Variants in DEAF1 observed in about 807,000 individuals in gnomAD.
DEAF1 encodes DEAF1 transcription factor.
Under a neutral mutation model 58.9 loss-of-function variants are expected in DEAF1, and 53 were observed. That is an observed-to-expected ratio of 0.90 (90% confidence interval 0.72 to 1.13). The LOEUF (loss-of-function observed/expected upper bound fraction) is 1.13, where lower values mean the gene tolerates loss of function less well. Among genes scored for constraint, DEAF1 ranks in the 50% most tolerant of loss-of-function variants. The pLI, the probability that DEAF1 is intolerant of heterozygous loss-of-function variation, is 0.00. For synonymous variants in DEAF1, 385 were observed against 340.4 expected, an observed-to-expected ratio of 1.13 and a Z score of -1.44; for missense variants, 685 against 791.4, an observed-to-expected ratio of 0.87 and a Z score of 1.61.
At chr11:654,771 A>G in intron 10 of DEAF1, 1 of 393,594 alleles carries the variant, frequency 2.5e-6, no homozygotes, top group Non-Finnish European at 5.1e-6. Flanking sequence ...TGGGAGGCTG[A>G]GGTGGGAGAA....
intron 1 of DEAF1, among the ~76,000 whole-genome samples, 168 bp from the exon 2 acceptor site, chr11:691,766 A>G (rs1860845576): frequency 6.6e-6 from 1 of 151,992 alleles, no homozygotes; most frequent in African/African-American, 2.4e-5. Context: ...TTTCTATTCC[A>G]TTGTCTAAGT....
rs748436644 is a variant in DEAF1 at position 679,669 on chromosome 11, A to G, written c.1126+19T>C. 1 of 1,610,014 alleles carries G rather than the reference A, an allele frequency of 6.2e-7. No homozygotes were observed. The highest frequency in any genetic ancestry group is 8.5e-7 in the Non-Finnish European group (1 of 1,180,014). ...GGGATATGCTGAGGACGCGTCAGGC[A>G]GGCACTGGAGCAGCTCACCTGTGGC... On this transcript the variant is annotated intron_variant, in intron 8 of 11. Coordinates refer to ENST00000382409, the MANE Select transcript of DEAF1 (RefSeq NM_021008.4).
intron 1 of DEAF1, chr11:702,927 C>CG: frequency 6.3e-7 from 1 of 1,596,518 alleles, no homozygotes; most frequent in African/African-American, 1.3e-5. Flanking sequence ...CTTCCCTCCC[C>CG]TTTGCTCTGT....
chr11:680,909 G>A, intron 7 of DEAF1, 54 bp downstream of exon 7: 1 of 1,612,872 alleles, frequency 6.2e-7, no homozygotes, highest in Non-Finnish European at 8.5e-7. Flanking sequence ...GACGAGAGAA[G>A]GCAATGCACT....
intron 10 of DEAF1, among the ~76,000 whole-genome samples, chr11:662,904 A>ATC (rs895847944): frequency 4.3e-4 from 66 of 152,258 alleles, no homozygotes; most frequent in African/African-American, 1.5e-3. Flanking sequence ...CACCATGAAT[A>ATC]TCCTCCAGCC....
At chr11:659,619 C>T (rs7119160) in intron 10 of DEAF1, among the ~76,000 whole-genome samples, 5 of 152,250 alleles carry the variant, frequency 3.3e-5, no homozygotes, top group South Asian at 4.1e-4. Flanking sequence ...CAGGGGCCTC[C>T]GCCTGCTTCA....
chr11:674,440 T>G, intron 10 of DEAF1, 96 bp downstream of exon 10: 6 of 1,563,264 alleles, frequency 3.8e-6, no homozygotes, highest in Non-Finnish European at 3.5e-6. Context: ...AGGGGCCTTG[T>G]GAGCCAAGGT....
chr11:699,743 C>G (rs1270907477), upstream of DEAF1: 1 of 180,176 alleles, frequency 5.6e-6, no homozygotes, highest in Non-Finnish European at 1.2e-5. Flanking sequence ...CAGAGCAAGA[C>G]TCTATCTCAA....
At chr11:704,075 G>C (rs1474008767) in intron 1 of DEAF1, 1 of 1,129,904 alleles carries the variant, frequency 8.9e-7, no homozygotes, top group Non-Finnish European at 1.1e-6. Flanking sequence ...CAAATATCTA[G>C]ATATTTTCTC....
At position 644,727 on chromosome 11, in the gene DEAF1, G is replaced by T; in HGVS notation, c.1594-73C>A. On this transcript the variant is annotated intron_variant, in intron 11 of 11. Transcript: ENST00000382409. The surrounding 1 kb of genome is among the most constrained non-coding windows in gnomAD (Gnocchi z 4.3). Reference sequence around the variant, plus strand: ...GGGTCTGGGCAGGGTCCCCAAGGCAGACCCCAGAGGGTGCAGCCCTCTGTA... The same window carrying T: ...GGGTCTGGGCAGGGTCCCCAAGGCATACCCCAGAGGGTGCAGCCCTCTGTA... The T allele has an allele frequency of 8.2e-7, 1 of 1,223,800 alleles. No individual in the cohort carries two copies. The highest frequency in any genetic ancestry group is 1.2e-6 in the Non-Finnish European group (1 of 857,908). The allele number at this position is 1,223,800 out of a possible 1,614,324, so 75.8% of individuals were successfully genotyped here.
chr11:662,388 C>A (rs1859357096), intron 10 of DEAF1, among the ~76,000 whole-genome samples: 1 of 152,344 alleles, frequency 6.6e-6, no homozygotes, highest in African/African-American at 2.4e-5. Context: ...ATAAAGCCTT[C>A]CTCCCATTCT....
intron 1 of DEAF1, chr11:703,470 A>G (rs986675294): frequency 7.9e-7 from 1 of 1,258,270 alleles, no homozygotes. Flanking sequence ...ACAGACCCCC[A>G]TGGGCCCCCA....
intron 7 of DEAF1, 55 bp from the exon 8 acceptor site, chr11:679,871 A>G: frequency 6.2e-7 from 1 of 1,606,234 alleles, no homozygotes; most frequent in Non-Finnish European, 8.5e-7. Flanking sequence ...CACGGCACAC[A>G]GGTCCCGTGC....
intron 10 of DEAF1, among the ~76,000 whole-genome samples, chr11:662,061 C>T (rs1859342903): frequency 6.6e-6 from 1 of 152,130 alleles, no homozygotes; most frequent in African/African-American, 2.4e-5. Flanking sequence ...CTTTGAGAGG[C>T]CGAGGTGGGC....
chr11:696,987 G>A (rs534887607), upstream of DEAF1, among the ~76,000 whole-genome samples: 1 of 146,612 alleles, frequency 6.8e-6, no homozygotes, highest in Non-Finnish European at 1.5e-5. Context: ...TCTGAGGCAG[G>A]AGAATTGCTC....
At chr11:702,252 C>T (rs983976142) in intron 1 of DEAF1, among the ~76,000 whole-genome samples, 7 of 152,248 alleles carry the variant, frequency 4.6e-5, no homozygotes, top group Non-Finnish European at 8.8e-5. Context: ...TCTGCACTTA[C>T]GTCCCAGAAC....
intron 11 of DEAF1, among the ~76,000 whole-genome samples, chr11:648,379 T>C (rs1290579523): frequency 2.6e-5 from 4 of 152,070 alleles, no homozygotes; most frequent in Non-Finnish European, 4.4e-5. Flanking sequence ...GTATTTTTAG[T>C]AGAGACGGGG....
upstream of DEAF1, chr11:695,566 GC>G: frequency 8.1e-7 from 1 of 1,229,520 alleles, no homozygotes; most frequent in Non-Finnish European, 1.0e-6. Context: ...AGCCGAGTCA[GC>G]CCGAGGCCGA....
chr11:644,478 G>A lies in DEAF1; in HGVS notation c.*72C>T, dbSNP rs990136940. The stretch of plus-strand genomic sequence containing the variant: ...TCTCAACGTCCCCCCAGAGTCCTCA[G>A]GGGGGCCTTCGACCTGCAAAAGCCT... On this transcript the variant is annotated 3_prime_UTR_variant, in exon 12 of 12. Coordinates refer to ENST00000382409, the MANE Select transcript of DEAF1 (RefSeq NM_021008.4). This position sits in a 1 kb window ranked among gnomAD's most constrained non-coding sequence, Gnocchi z 4.3. 1.1e-5 allele frequency: 13 copies of A among 1,196,636 alleles called. No individual in the cohort carries two copies. The highest frequency in any genetic ancestry group is 2.4e-5 in the East Asian group (1 of 41,312). 74.1% of individuals were successfully genotyped at this position (1,196,636 alleles called of 1,614,324 possible). A position where few individuals can be genotyped will look rare whatever the true frequency, so the allele number is the denominator to read the frequency against.
Sources: gnomAD v4.1 joint callset for allele counts (sites outside exome capture counted in the v4.1 genomes callset) on GRCh38, gnomAD v4.1.1 for gene constraint, Gnocchi (gnomAD v3.1) non-coding constraint, MANE v1.5 for transcripts, NCBI Gene and HGNC (gene_info 2026-07-23, HGNC 2026-07-21) for gene names.